The following SGCZ variants were observed in gnomAD, a reference collection of about 807,000 sequenced individuals.
SGCZ encodes the protein zeta-sarcoglycan.
In SGCZ, 40 loss-of-function variants were observed where a neutral mutation model predicts 41.3. The ratio of observed to expected loss-of-function variants is 0.97; its 90% CI spans 0.75 to 1.26. The LOEUF is 1.26. Among genes scored for constraint, SGCZ ranks in the 50% most tolerant of loss-of-function variants. SGCZ has a pLI of 0.00. For synonymous variants in SGCZ, 206 were observed against 137.5 expected (o/e 1.50, Z -3.49); for missense variants, 552 against 369.8 (o/e 1.49, Z -4.04).
rs1297557820 is a variant in SGCZ, at chr8:14,086,241, G to T, written c.*4202C>A. ...CTTTGAGGATTTTATAGAAAATTTG[G>T]CTATTAAATACTTTCAATGATTTTA... On this transcript the variant is annotated 3_prime_UTR_variant, in exon 8 of 8. Transcript: ENST00000382080. Among the ~76,000 whole-genome samples the T allele has an allele frequency of 2.0e-5, 3 of 151,486 alleles. No individual in the cohort carries two copies. Among genetic ancestry groups the T allele is most frequent in the Non-Finnish European group, 3.0e-5 (2 of 67,686 alleles).
At chr8:14,509,537 G>A (rs915713394) in intron 2 of SGCZ, among the ~76,000 whole-genome samples, 2 of 152,056 alleles carry the variant, frequency 1.3e-5, no homozygotes, top group African/African-American at 4.8e-5. Context: ...ACACACAACA[G>A]TCAGCTGTTA....
chr8:14,680,842 T>C (rs1773331013), intron 1 of SGCZ, among the ~76,000 whole-genome samples: 3 of 151,040 alleles, frequency 2.0e-5, no homozygotes, highest in Admixed American at 6.6e-5. Context: ...TACAGTGTCT[T>C]AGATGAAATA....
chr8:14,199,371 C>T (rs1302568518), intron 4 of SGCZ, among the ~76,000 whole-genome samples: 2 of 152,134 alleles, frequency 1.3e-5, no homozygotes, highest in Non-Finnish European at 1.5e-5. Context: ...ATTCTGTCTC[C>T]TGATAAGATG....
At chr8:14,617,122 A>G (rs1426155991) in intron 1 of SGCZ, among the ~76,000 whole-genome samples, 1 of 152,166 alleles carries the variant, frequency 6.6e-6, no homozygotes, top group Non-Finnish European at 1.5e-5. Context: ...TGAGAGAAAG[A>G]AAGAATCAGT....
intron 1 of SGCZ, among the ~76,000 whole-genome samples, chr8:15,146,338 T>C (rs1044314000): frequency 1.3e-5 from 2 of 152,204 alleles, no homozygotes; most frequent in African/African-American, 4.8e-5. Context: ...AGCTAAATTC[T>C]AATCAATTAT....
intron 1 of SGCZ, among the ~76,000 whole-genome samples, chr8:14,813,488 A>G (rs1279371439): frequency 6.6e-6 from 1 of 152,134 alleles, no homozygotes; most frequent in Non-Finnish European, 1.5e-5. Context: ...GGGAAAATAT[A>G]TTTTTATTTT....
In SGCZ at chr8:14,098,622, G is replaced by GT. The variant is rs1308970530; in HGVS notation, c.744+3753dup. Among the ~76,000 whole-genome samples the GT allele has an allele frequency of 2.0e-5, 3 of 152,164 alleles. No individual in the cohort carries two copies. The East Asian group carries it at 5.8e-4, about 29-fold the overall frequency. On this transcript the variant is annotated intron_variant, in intron 7 of 7. Coordinates refer to ENST00000382080, the MANE Select transcript of SGCZ (RefSeq NM_139167.4). ...TAGGGGCAAACTCTGAGACTGTGGT[G>GT]TTTAAGTCTACAGGCTGGGAGTTGA...
chr8:14,824,862 T>A lies in SGCZ; in HGVS notation c.40-269936A>T, dbSNP rs73664483. Among the ~76,000 whole-genome samples the A allele has an allele frequency of 8.2e-3, 1,252 of 152,194 alleles. 7 individuals carry two copies. Among genetic ancestry groups the A allele is most frequent in the African/African-American group, 0.027 (1,108 of 41,536 alleles). ...TCTAGGTTTGCCTTGAACAAACTCT[T>A]ACTACTTTGTTTTCAACTGTGATTT... On this transcript the variant is annotated intron_variant, in intron 1 of 7. Transcript: ENST00000382080.
Position 15,238,379 on chromosome 8 carries a change from G to T in SGCZ, c.-756C>A, listed in dbSNP as rs1211710955. The T allele has an allele frequency of 6.6e-6, 1 of 152,206 alleles. No homozygotes were observed. Among genetic ancestry groups the T allele is most frequent in the Non-Finnish European group, 1.5e-5 (1 of 68,054 alleles). 9.4% of individuals were successfully genotyped at this position (152,206 alleles called of 1,614,324 possible). On this transcript the variant is annotated 5_prime_UTR_variant, in exon 1 of 8. Transcript: ENST00000382080. The stretch of plus-strand genomic sequence containing the variant: ...TTTCCTCCTGCTTCGCTGTTTTACT[G>T]GCCTTCACCACCAGGTGACTGACTT...
intron 1 of SGCZ, among the ~76,000 whole-genome samples, chr8:14,688,873 C>A (rs570448374): frequency 6.6e-6 from 1 of 152,208 alleles, no homozygotes; most frequent in Admixed American, 6.5e-5. Context: ...CCCATTGTCT[C>A]AGCCCAAAAT....
chr8:14,454,622 T>G (rs12543902), intron 2 of SGCZ, among the ~76,000 whole-genome samples: 33,202 of 151,778 alleles, frequency 0.22, 4,314 homozygotes, highest in Non-Finnish European at 0.3. Flanking sequence ...TGAAGGAAAA[T>G]TTGCCCTAAA....
At chr8:14,445,065 G>T (rs781498547) in intron 2 of SGCZ, among the ~76,000 whole-genome samples, 1 of 152,178 alleles carries the variant, frequency 6.6e-6, no homozygotes, top group Non-Finnish European at 1.5e-5. Flanking sequence ...AATTAAGCTT[G>T]ACTTCAAGAC....
At chr8:14,920,417 C>T (rs1345805560) in intron 1 of SGCZ, among the ~76,000 whole-genome samples, 1 of 152,102 alleles carries the variant, frequency 6.6e-6, no homozygotes, top group African/African-American at 2.4e-5. Flanking sequence ...AGTTCTGAGC[C>T]ACTTACAAAG....
chr8:14,780,142 G>C (rs1256235395), intron 1 of SGCZ, among the ~76,000 whole-genome samples: 1 of 152,046 alleles, frequency 6.6e-6, no homozygotes, highest in Non-Finnish European at 1.5e-5. Context: ...GGGAGGCAGA[G>C]GCCGGGCGGA....
chr8:14,872,164 G>C (rs1208813170), intron 1 of SGCZ, among the ~76,000 whole-genome samples: 1 of 151,952 alleles, frequency 6.6e-6, no homozygotes, highest in African/African-American at 2.4e-5. Context: ...ACCAGGGCCT[G>C]ACAGGGCATG....
At chr8:14,397,674 A>T (rs751453146) in intron 2 of SGCZ, among the ~76,000 whole-genome samples, 3 of 152,132 alleles carry the variant, frequency 2.0e-5, no homozygotes, top group Non-Finnish European at 4.4e-5. Flanking sequence ...ACACATTCAC[A>T]GTTTCTCCTG....
chr8:14,520,626 G>A lies in SGCZ; in HGVS notation c.234+34106C>T, dbSNP rs576821589. Among the ~76,000 whole-genome samples, 29 of 151,934 alleles carry A rather than the reference G, an allele frequency of 1.9e-4. No homozygotes were observed. The East Asian group carries it at 5.2e-3, about 27-fold the overall frequency. On this transcript the variant is annotated intron_variant, in intron 2 of 7. Coordinates refer to ENST00000382080, the MANE Select transcript of SGCZ (RefSeq NM_139167.4). Reference sequence around the variant, plus strand: ...TCACTTAACAACATGAATGAAGCAGGGATAAGGGCACAATATATTTCTGTG... The same window carrying A: ...TCACTTAACAACATGAATGAAGCAGAGATAAGGGCACAATATATTTCTGTG...
At chr8:14,456,936 G>A (rs890276281) in intron 2 of SGCZ, among the ~76,000 whole-genome samples, 1 of 152,122 alleles carries the variant, frequency 6.6e-6, no homozygotes, top group Admixed American at 6.5e-5. Context: ...TCACATGGCT[G>A]TTCTCACTTT....
At chr8:14,926,140 G>C (rs1223621551) in intron 1 of SGCZ, among the ~76,000 whole-genome samples, 1 of 152,066 alleles carries the variant, frequency 6.6e-6, no homozygotes, top group Non-Finnish European at 1.5e-5. Flanking sequence ...TTTGATTTCA[G>C]TAAAAATATT....
Sources: gnomAD v4.1 joint callset for allele counts (sites outside exome capture counted in the v4.1 genomes callset) on GRCh38, gnomAD v4.1.1 for gene constraint, MANE v1.5 for transcripts, NCBI Gene and HGNC (gene_info 2026-07-23, HGNC 2026-07-21) for gene names.